The following FANCC variants were observed in gnomAD, a reference collection of about 807,000 sequenced individuals.
The protein encoded by FANCC is Fanconi anemia group C protein.
A neutral mutation model predicts 71.3 loss-of-function variants in FANCC; 55 were observed. The ratio of observed to expected loss-of-function variants is 0.77; its 90% CI spans 0.62 to 0.97. FANCC has a LOEUF of 0.97. FANCC is among the 50% of genes least tolerant of loss of function. The probability of loss-of-function intolerance (pLI) is 0.00; values close to 1 mark genes in which losing one functional copy is unlikely to be tolerated. For synonymous variants in FANCC, 275 were observed against 244.9 expected, an observed-to-expected ratio of 1.12 and a Z score of -1.15; for missense variants, 678 against 670.9, an observed-to-expected ratio of 1.01 and a Z score of -0.12.
intron 6 of FANCC, among the ~76,000 whole-genome samples, chr9:95,157,283 A>G (rs1588196623): frequency 6.6e-6 from 1 of 152,256 alleles, no homozygotes; most frequent in East Asian, 1.9e-4. Flanking sequence ...AGGAACAAAA[A>G]AAGTGGGAAA....
At chr9:95,304,566 GA>G (rs1285140421) in intron 1 of FANCC, among the ~76,000 whole-genome samples, 2 of 141,228 alleles carry the variant, frequency 1.4e-5, no homozygotes, top group Admixed American at 1.5e-4. Context: ...GCAACATGGG[GA>G]AACCCTGTCT....
chr9:95,178,892 T>C (rs1160499020), intron 4 of FANCC, among the ~76,000 whole-genome samples: 8 of 152,214 alleles, frequency 5.3e-5, no homozygotes, highest in Non-Finnish European at 1.2e-4. Flanking sequence ...TTTGGGTAAC[T>C]CTGTAAAAGC....
chr9:95,152,841 C>T (rs578037780), intron 6 of FANCC, among the ~76,000 whole-genome samples: 2 of 151,412 alleles, frequency 1.3e-5, no homozygotes, highest in African/African-American at 2.4e-5. Flanking sequence ...TGTATGCCAG[C>T]GATGTCCAAT....
chr9:95,159,145 T>C (rs1282248695), intron 6 of FANCC, among the ~76,000 whole-genome samples: 1 of 152,120 alleles, frequency 6.6e-6, no homozygotes, highest in Non-Finnish European at 1.5e-5. Context: ...ACCTCATCAT[T>C]TACATTGGGT....
intron 1 of FANCC, among the ~76,000 whole-genome samples, chr9:95,266,814 G>C (rs1419863146): frequency 3.9e-5 from 6 of 152,148 alleles, no homozygotes; most frequent in Non-Finnish European, 8.8e-5. Context: ...AGCTCACATA[G>C]GAAGCGTTCT....
chr9:95,208,195 T>G (rs1254482400), intron 4 of FANCC, among the ~76,000 whole-genome samples: 1 of 141,354 alleles, frequency 7.1e-6, no homozygotes, highest in East Asian at 2.3e-4. Context: ...CCTCCCGAGT[T>G]CAAGCGATTC....
At chr9:95,196,247 C>G (rs1827448531) in intron 4 of FANCC, among the ~76,000 whole-genome samples, 1 of 151,544 alleles carries the variant, frequency 6.6e-6, no homozygotes, top group Admixed American at 6.6e-5. Flanking sequence ...TGGGAGGTGC[C>G]CTTTATGAAG....
At chr9:95,124,053 G>C (rs1450773078) in intron 10 of FANCC, among the ~76,000 whole-genome samples, 6 of 137,008 alleles carry the variant, frequency 4.4e-5, no homozygotes, top group African/African-American at 1.7e-4. Flanking sequence ...GCAGTAAACT[G>C]AGATCACATC....
At chr9:95,110,922 C>T (rs192840169) in intron 13 of FANCC, 1 of 1,319,806 alleles carries the variant, frequency 7.6e-7, no homozygotes, top group Admixed American at 3.3e-5. Context: ...AGGAAATGAC[C>T]AACTTCTTTT....
intron 10 of FANCC, among the ~76,000 whole-genome samples, chr9:95,121,897 G>A (rs768212562): frequency 7.0e-4 from 101 of 145,276 alleles, no homozygotes; most frequent in Admixed American, 1.7e-3. Context: ...TCGCTCTGTC[G>A]CCCAGGCTGG....
At chr9:95,296,798 C>A (rs941404887) in intron 1 of FANCC, among the ~76,000 whole-genome samples, 1 of 152,174 alleles carries the variant, frequency 6.6e-6, no homozygotes, top group East Asian at 1.9e-4. Flanking sequence ...TGGATTGAAG[C>A]GGGCTAGCTC....
chr9:95,128,629 A>C (rs987452197), intron 8 of FANCC, among the ~76,000 whole-genome samples: 24 of 152,174 alleles, frequency 1.6e-4, no homozygotes, highest in African/African-American at 5.8e-4. Context: ...GTTAGAAGAG[A>C]GTGAGAGCTT....
chr9:95,188,924 T>A (rs1826903099), intron 4 of FANCC, among the ~76,000 whole-genome samples: 1 of 152,164 alleles, frequency 6.6e-6, no homozygotes, highest in African/African-American at 2.4e-5. Context: ...AAATTACACA[T>A]AAGTTACAAA....
At chr9:95,307,415 G>A (rs1702346558) in intron 1 of FANCC, among the ~76,000 whole-genome samples, 2 of 152,112 alleles carry the variant, frequency 1.3e-5, no homozygotes, top group South Asian at 4.1e-4. Context: ...TTTATAAAGG[G>A]TATACAGTAT....
At chr9:95,134,201 G>C (rs936843776) in intron 8 of FANCC, among the ~76,000 whole-genome samples, 36 of 152,302 alleles carry the variant, frequency 2.4e-4, no homozygotes, top group African/African-American at 8.7e-4. Context: ...GGGAGAAACG[G>C]GATCGCGGAG....
At position 95,168,468 on chromosome 9, in the gene FANCC, T is replaced by C. The variant is rs560065280; in HGVS notation, c.521+2611A>G. ...TACTTTTTGTAGTTTGAGCTAGCCA[T>C]GGTCACCCGTGGTCCAAAAATATTA... On this transcript the variant is annotated intron_variant, in intron 6 of 14. Coordinates refer to ENST00000289081, the MANE Select transcript of FANCC (RefSeq NM_000136.3). 1.8e-3 allele frequency among the ~76,000 whole-genome samples: 274 copies of C among 152,370 alleles called. 1 individual carries two copies. The highest frequency in any genetic ancestry group is 2.9e-3 in the Non-Finnish European group (195 of 68,034).
chr9:95,198,746 G>A (rs946969039), intron 4 of FANCC, among the ~76,000 whole-genome samples: 1 of 152,098 alleles, frequency 6.6e-6, no homozygotes, highest in African/African-American at 2.4e-5. Context: ...GTGTGTGTGG[G>A]GGAGGGGAGA....
At chr9:95,268,608 T>C (rs981175033) in intron 1 of FANCC, among the ~76,000 whole-genome samples, 54 of 152,306 alleles carry the variant, frequency 3.5e-4, no homozygotes, top group African/African-American at 1.2e-3. Context: ...ATTTGAGGAA[T>C]CACAGATGAA....
chr9:95,248,625 AAG>A (rs1389189204), intron 2 of FANCC, among the ~76,000 whole-genome samples: 2 of 152,066 alleles, frequency 1.3e-5, no homozygotes, highest in African/African-American at 4.8e-5. Context: ...ATCATAATAA[AAG>A]AAACATGACA....
Sources: gnomAD v4.1 joint callset for allele counts (sites outside exome capture counted in the v4.1 genomes callset) on GRCh38, gnomAD v4.1.1 for gene constraint, MANE v1.5 for transcripts, NCBI Gene and HGNC (gene_info 2026-07-23, HGNC 2026-07-21) for gene names.